The following SGCZ variants were observed in gnomAD, a reference collection of about 807,000 sequenced individuals.
The protein encoded by SGCZ is sarcoglycan zeta.
Under a neutral mutation model 41.3 loss-of-function variants are expected in SGCZ, and 40 were observed. That is an observed-to-expected ratio of 0.97 (90% CI 0.75 to 1.26). The LOEUF is 1.26. SGCZ is among the 50% of genes most tolerant of loss of function. The pLI is 0.00. For missense variants in SGCZ, 552 were observed against 369.8 expected (o/e 1.49, Z -4.04); for synonymous variants, 206 against 137.5 (o/e 1.50, Z -3.49).
chr8:14,637,795 C>A (rs938533114), intron 1 of SGCZ, among the ~76,000 whole-genome samples: 2 of 151,730 alleles, frequency 1.3e-5, no homozygotes, highest in African/African-American at 2.4e-5. Context: ...ATGCATGTAT[C>A]TTTTTGGTGG....
At chr8:14,777,755 A>G (rs1354892873) in intron 1 of SGCZ, among the ~76,000 whole-genome samples, 1 of 152,188 alleles carries the variant, frequency 6.6e-6, no homozygotes, top group Non-Finnish European at 1.5e-5. Flanking sequence ...TGTGTGAGAG[A>G]GAGACAGAGA....
At chr8:14,821,454 C>T (rs1259695513) in intron 1 of SGCZ, among the ~76,000 whole-genome samples, 1 of 151,944 alleles carries the variant, frequency 6.6e-6, no homozygotes, top group Non-Finnish European at 1.5e-5. Flanking sequence ...GGGAAAACTT[C>T]CAAACTCTTT....
chr8:14,552,587 C>A (rs542150864), intron 2 of SGCZ, among the ~76,000 whole-genome samples: 1 of 151,948 alleles, frequency 6.6e-6, no homozygotes, highest in South Asian at 2.1e-4. Flanking sequence ...TAATTATCCC[C>A]AGGACCATGT....
chr8:15,144,749 G>A (rs1037805586), intron 1 of SGCZ, among the ~76,000 whole-genome samples: 6 of 152,188 alleles, frequency 3.9e-5, no homozygotes, highest in East Asian at 1.9e-4. Flanking sequence ...GAGCAACGGC[G>A]CCCAGCCAAC....
intron 1 of SGCZ, among the ~76,000 whole-genome samples, chr8:14,970,603 G>C (rs551386238): frequency 1.3e-4 from 19 of 151,920 alleles, no homozygotes; most frequent in African/African-American, 4.6e-4. Context: ...GCTGAAAATC[G>C]GTTGTTCACA....
intron 1 of SGCZ, among the ~76,000 whole-genome samples, chr8:14,619,830 A>G (rs1806225451): frequency 1.3e-5 from 2 of 152,222 alleles, no homozygotes. Flanking sequence ...GCTCATGTAC[A>G]GGAAGAATCA....
chr8:15,124,752 G>A (rs549675794), intron 1 of SGCZ, among the ~76,000 whole-genome samples: 1 of 151,982 alleles, frequency 6.6e-6, no homozygotes, highest in Admixed American at 6.5e-5. Context: ...ATGCCAAAGG[G>A]GGAACATAAG....
chr8:15,078,028 A>C (rs987045487), intron 1 of SGCZ, among the ~76,000 whole-genome samples: 8 of 151,122 alleles, frequency 5.3e-5, no homozygotes, highest in Non-Finnish European at 8.8e-5. Context: ...GCACTGGGGG[A>C]CTGGGATAGA....
chr8:15,142,006 A>C (rs1798901321), intron 1 of SGCZ, among the ~76,000 whole-genome samples: 1 of 152,212 alleles, frequency 6.6e-6, no homozygotes, highest in Admixed American at 6.5e-5. Flanking sequence ...CGGCTGCATC[A>C]AGAAAGCTCA....
intron 2 of SGCZ, among the ~76,000 whole-genome samples, chr8:14,475,202 T>A (rs886471738): frequency 1.3e-5 from 2 of 152,168 alleles, no homozygotes; most frequent in African/African-American, 4.8e-5. Context: ...ATGAGTCTAA[T>A]GAAAATGTAT....
chr8:14,427,062 GAAT>G (rs567478342), intron 2 of SGCZ, among the ~76,000 whole-genome samples: 20 of 94,670 alleles, frequency 2.1e-4, no homozygotes, highest in South Asian at 8.2e-4. Flanking sequence ...ATGAATGAAT[GAAT>G]GAGTGAATGA....
At chr8:14,195,739 G>T (rs1805246918) in intron 4 of SGCZ, among the ~76,000 whole-genome samples, 1 of 152,198 alleles carries the variant, frequency 6.6e-6, no homozygotes, top group Non-Finnish European at 1.5e-5. Context: ...TGATGACATA[G>T]GAGAGCAATA....
chr8:14,664,391 T>C (rs1807842547), intron 1 of SGCZ, among the ~76,000 whole-genome samples: 1 of 152,204 alleles, frequency 6.6e-6, no homozygotes, highest in Admixed American at 6.5e-5. Context: ...TTACTCATCT[T>C]GTGCTTAGAA....
intron 1 of SGCZ, among the ~76,000 whole-genome samples, chr8:14,825,198 T>C (rs555013236): frequency 6.6e-5 from 10 of 152,296 alleles, no homozygotes; most frequent in African/African-American, 2.4e-4. Flanking sequence ...CTTAACATTA[T>C]ACATTCATCC....
intron 1 of SGCZ, among the ~76,000 whole-genome samples, chr8:14,969,029 A>G (rs1055103543): frequency 1.1e-4 from 17 of 152,126 alleles, no homozygotes; most frequent in Admixed American, 8.5e-4. Flanking sequence ...TGCTACTAAT[A>G]CTAATCTATT....
chr8:14,738,097 T>C (rs552360786), intron 1 of SGCZ, among the ~76,000 whole-genome samples: 1 of 152,256 alleles, frequency 6.6e-6, no homozygotes, highest in South Asian at 2.1e-4. Flanking sequence ...AGCCACACGA[T>C]ATTGCTCTTG....
rs192818605 is a variant in SGCZ at position 15,174,732 on chromosome 8, T to A, written c.39+62853A>T. ...CGGTTCAGACAGAATTCTTAATTGT[T>A]GCCAGTGTAATAGTATGGAACTGTA... On this transcript the variant is annotated intron_variant, in intron 1 of 7. Coordinates refer to ENST00000382080, the MANE Select transcript of SGCZ (RefSeq NM_139167.4). Among the ~76,000 whole-genome samples, 629 of 152,334 alleles carry A rather than the reference T, an allele frequency of 4.1e-3. 4 individuals carry two copies. The highest frequency in any genetic ancestry group is 0.014 in the African/African-American group (602 of 41,580).
intron 2 of SGCZ, among the ~76,000 whole-genome samples, chr8:14,351,541 A>G (rs930261320): frequency 4.6e-5 from 7 of 151,344 alleles, no homozygotes; most frequent in Non-Finnish European, 5.9e-5. Context: ...CTTACTATAA[A>G]TTATCATATA....
intron 1 of SGCZ, among the ~76,000 whole-genome samples, chr8:14,847,392 C>T (rs547444657): frequency 6.6e-6 from 1 of 151,876 alleles, no homozygotes; most frequent in South Asian, 2.1e-4. Context: ...TAAATTCAGT[C>T]CATCAAACAA....
Sources: allele counts gnomAD v4.1 joint callset (sites outside exome capture counted in the v4.1 genomes callset), GRCh38; gene constraint gnomAD v4.1.1; transcripts MANE v1.5; gene names NCBI Gene and HGNC (gene_info 2026-07-23, HGNC 2026-07-21).